SPG7: variants seen among roughly 807,000 people sequenced by gnomAD.
SPG7 encodes the protein SPG7 matrix AAA peptidase subunit, paraplegin.
SPG7 carries 103 observed loss-of-function variants against 81.9 expected under a neutral mutation model. The ratio of observed to expected loss-of-function variants is 1.26; its 90% CI spans 1.07 to 1.48. The LOEUF is 1.48. SPG7 is among the 40% of genes most tolerant of loss of function. The probability of loss-of-function intolerance (pLI) is 0.00; values close to 1 mark genes in which losing one functional copy is unlikely to be tolerated. For missense variants in SPG7, 1,241 were observed against 1,087.3 expected (o/e 1.14, Z -1.99); for synonymous variants, 534 against 444.2 (o/e 1.20, Z -2.54).
At chr16:89,556,054 C>T in intron 16 of SPG7, 1 of 398,812 alleles carries the variant, frequency 2.5e-6, no homozygotes, top group Non-Finnish European at 4.4e-6. Context: ...GGGCACATCA[C>T]AGTGGGAGCC....
intron 7 of SPG7, chr16:89,531,667 C>T (rs1384207813): frequency 7.3e-6 from 4 of 550,300 alleles, no homozygotes; most frequent in Non-Finnish European, 9.8e-6. Flanking sequence ...AGCCACCGCA[C>T]CTGGCCTGCA....
chr16:89,557,196 C>T lies in SPG7; in HGVS notation c.*103C>T. ...GAGGTTTGCACTTCCTCTCGCGGCC[C>T]TCAGTAGTCCCTGCACAGTGACTTC... is the stretch of plus-strand genomic sequence containing the variant. On this transcript the variant is annotated 3_prime_UTR_variant, in exon 17 of 17. Coordinates refer to ENST00000645818, the MANE Select transcript of SPG7 (RefSeq NM_003119.4). The T allele has an allele frequency of 3.9e-6, 3 of 763,394 alleles. No homozygotes were observed. The highest frequency in any genetic ancestry group is 3.0e-5 in the South Asian group (2 of 66,666). The allele number at this position is 763,394 out of a possible 1,614,324, so 47.3% of individuals were successfully genotyped here. A position where few individuals can be genotyped will look rare whatever the true frequency, so the allele number is the denominator to read the frequency against.
Position 89,510,550 on chromosome 16 carries a change from C to G in SPG7, c.244C>G (p.Gln82Glu), listed in dbSNP as rs146115797. ...AGGGATCAACGGATTGTTGTTGAAA[C>G]AACATTTAGTTCAGAATCCAGTCAG... ...FEGINGLLLK[Q>E]HLVQNPVRLW... Residue 82 changes from glutamine to glutamate, a missense_variant, in exon 2 of 17, where the codon CAA becomes GAA. By Grantham distance (29) the Gln-to-Glu change is conservative. Transcript: ENST00000645818. 4.0e-5 allele frequency: 64 copies of G among 1,600,242 alleles called. No homozygotes were observed. The African/African-American group carries it at 7.3e-4, about 18-fold the overall frequency.
At chr16:89,512,298 G>C (rs1029371977) in intron 2 of SPG7, among the ~76,000 whole-genome samples, 2 of 151,692 alleles carry the variant, frequency 1.3e-5, no homozygotes, top group Non-Finnish European at 2.9e-5. Flanking sequence ...TGGTGGCTGG[G>C]CTGCTGCTGT....
chr16:89,557,227 T>C lies in SPG7; in HGVS notation c.*134T>C. On this transcript the variant is annotated 3_prime_UTR_variant, in exon 17 of 17. Coordinates refer to ENST00000645818, the MANE Select transcript of SPG7 (RefSeq NM_003119.4). ...AGTCCCTGCACAGTGACTTCTGAGA[T>C]CTGTTGATTGATGACCCTTTTCATG... is the stretch of plus-strand genomic sequence containing the variant. The C allele has an allele frequency of 1.6e-6, 1 of 642,780 alleles. No individual in the cohort carries two copies. The allele number at this position is 642,780 out of a possible 1,614,324, so 39.8% of individuals were successfully genotyped here. A position where few individuals can be genotyped will look rare whatever the true frequency, so the allele number is the denominator to read the frequency against.
At chr16:89,530,147 T>G (rs145288527) in intron 6 of SPG7, 2,866 of 198,800 alleles carry the variant, frequency 0.014, 27 homozygotes, top group Non-Finnish European at 0.019. Flanking sequence ...CCTTTCTTTT[T>G]TGTGTGTGTG....
chr16:89,554,623 G>A (rs758212016), intron 16 of SPG7, 60 bp downstream of exon 16: 6 of 1,126,758 alleles, frequency 5.3e-6, no homozygotes, highest in South Asian at 1.3e-5. Flanking sequence ...CAGCACCCAC[G>A]GTCCCCACCC....
Position 89,550,618 on chromosome 16 carries a change from T to A in SPG7, c.1779+9T>A. On this transcript the variant is annotated intron_variant, in intron 13 of 16. Transcript: ENST00000645818. ...CGGAGGCCGTGATGAAGGTGGGTCT[T>A]GGCAGGTGCCGGCTCCACGGGCCTT... is the stretch of plus-strand genomic sequence containing the variant. The A allele has an allele frequency of 6.2e-7, 1 of 1,602,824 alleles. No individual in the cohort carries two copies. The highest frequency in any genetic ancestry group is 2.2e-5 in the East Asian group (1 of 44,860).
chr16:89,549,282 G>A (rs1179969309), intron 12 of SPG7: 2 of 455,172 alleles, frequency 4.4e-6, no homozygotes, highest in African/African-American at 4.0e-5. Context: ...AAGTTGTACA[G>A]AATGGACACT....
intron 9 of SPG7, chr16:89,536,938 T>C: frequency 6.2e-7 from 1 of 1,614,172 alleles, no homozygotes; most frequent in Non-Finnish European, 8.5e-7. Flanking sequence ...TTGAGTGACT[T>C]GAGCCCAAAG....
intron 2 of SPG7, among the ~76,000 whole-genome samples, chr16:89,511,947 T>C (rs1170120919): frequency 2.0e-5 from 3 of 152,290 alleles, no homozygotes; most frequent in East Asian, 3.9e-4. Context: ...AGTCTTGCTC[T>C]GTCTCCCAGG....
intron 1 of SPG7, 92 bp downstream of exon 1, chr16:89,508,692 C>G: frequency 1.5e-6 from 2 of 1,292,662 alleles, no homozygotes; most frequent in Non-Finnish European, 2.1e-6. Flanking sequence ...CGCCTGGCCC[C>G]TGCGGCGGGG....
chr16:89,509,376 G>T (rs768546976), intron 1 of SPG7, among the ~76,000 whole-genome samples: 2 of 151,876 alleles, frequency 1.3e-5, no homozygotes, highest in African/African-American at 2.4e-5. Context: ...TCAGCCTCCT[G>T]AGTAGCTGGG....
chr16:89,550,321 C>A, intron 12 of SPG7, 173 bp from the exon 13 acceptor site: 1 of 599,402 alleles, frequency 1.7e-6, no homozygotes, highest in Admixed American at 2.3e-5. Context: ...TGCAGGCGCC[C>A]GCCATCACAC....
chr16:89,516,733 T>C (rs1472414988), intron 3 of SPG7: 1 of 147,548 alleles, frequency 6.8e-6, no homozygotes, highest in East Asian at 2.0e-4. Context: ...GGCGTGGTGG[T>C]GGGCACCTGT....
In SPG7 at chr16:89,532,994, C is replaced by T. The variant is rs535072866; in HGVS notation, c.1324+358C>T. On this transcript the variant is annotated intron_variant, in intron 9 of 16. Coordinates refer to ENST00000645818, the MANE Select transcript of SPG7 (RefSeq NM_003119.4). Reference sequence around the variant, plus strand: ...AGTACTCTGGAGAATCGCTTGAACTCGGGAGGTGGAGGTTGCAGTGAGCCA... The same window carrying T: ...AGTACTCTGGAGAATCGCTTGAACTTGGGAGGTGGAGGTTGCAGTGAGCCA... 366 of 287,686 alleles carry T rather than the reference C, an allele frequency of 1.3e-3. 5 individuals carry two copies. The highest frequency in any genetic ancestry group is 0.011 in the South Asian group (349 of 32,996). 17.8% of individuals were successfully genotyped at this position (287,686 alleles called of 1,614,324 possible).
intron 4 of SPG7, among the ~76,000 whole-genome samples, chr16:89,525,480 G>A (rs1418989419): frequency 6.6e-6 from 1 of 152,172 alleles, no homozygotes; most frequent in East Asian, 1.9e-4. Context: ...TTCTGTCTTA[G>A]CAGTTTGGGG....
chr16:89,517,157 G>A (rs766409735), intron 3 of SPG7: 1 of 152,414 alleles, frequency 6.6e-6, no homozygotes, highest in Non-Finnish European at 1.5e-5. Flanking sequence ...GGGAAGAATT[G>A]TGTGGCCTGT....
rs534843330 is a variant in SPG7 at position 89,525,933 on chromosome 16, C to T, written c.619-396C>T. Among the ~76,000 whole-genome samples the T allele has an allele frequency of 7.2e-5, 11 of 152,252 alleles. No homozygotes were observed. In the South Asian group the frequency reaches 2.1e-3, roughly 29 times the overall value. On this transcript the variant is annotated intron_variant, in intron 4 of 16. Coordinates refer to ENST00000645818, the MANE Select transcript of SPG7 (RefSeq NM_003119.4). Reference sequence around the variant, plus strand: ...GGCTGTGAGCTAACTTGCAGACATCCCTCCATTTCTTAGTTTTCCTATGAG... The same window carrying T: ...GGCTGTGAGCTAACTTGCAGACATCTCTCCATTTCTTAGTTTTCCTATGAG...
Sources: allele counts gnomAD v4.1 joint callset (sites outside exome capture counted in the v4.1 genomes callset), GRCh38; gene constraint gnomAD v4.1.1; transcripts MANE v1.5; gene names NCBI Gene and HGNC (gene_info 2026-07-23, HGNC 2026-07-21).